Variants in WDR93 observed in about 807,000 individuals in gnomAD.
The protein encoded by WDR93 is WD repeat-containing protein 93.
In WDR93, 73 loss-of-function variants were observed where a neutral mutation model predicts 82.9. The observed-to-expected ratio is 0.88, with a 90% CI of 0.73 to 1.07. The LOEUF (loss-of-function observed/expected upper bound fraction) is 1.07, where lower values mean the gene tolerates loss of function less well. WDR93 is among the 50% of genes least tolerant of loss of function. The pLI, the probability that WDR93 is intolerant of heterozygous loss-of-function variation, is 0.00. For synonymous variants in WDR93, 283 were observed against 300.1 expected, an observed-to-expected ratio of 0.94 and a Z score of 0.59; for missense variants, 738 against 826.0, an observed-to-expected ratio of 0.89 and a Z score of 1.31.
intron 4 of WDR93, among the ~76,000 whole-genome samples, chr15:89,709,869 A>AAT (rs1965884546): frequency 6.6e-6 from 1 of 152,004 alleles, no homozygotes; most frequent in Non-Finnish European, 1.5e-5. Context: ...ATAAAAAAAA[A>AAT]AATAATCAAG....
intron 1 of WDR93, among the ~76,000 whole-genome samples, chr15:89,693,324 A>G (rs1052700983): frequency 6.6e-6 from 1 of 152,204 alleles, no homozygotes; most frequent in Non-Finnish European, 1.5e-5. Flanking sequence ...TACCACTGAC[A>G]ATGCGTGAGA....
chr15:89,736,516 A>G (rs1967186670), intron 14 of WDR93, among the ~76,000 whole-genome samples: 1 of 152,112 alleles, frequency 6.6e-6, no homozygotes, highest in African/African-American at 2.4e-5. Context: ...GGGCACTACC[A>G]TCACTTACAG....
At chr15:89,715,518 T>C (rs1966207653) in intron 6 of WDR93, among the ~76,000 whole-genome samples, 1 of 152,208 alleles carries the variant, frequency 6.6e-6, no homozygotes, top group Non-Finnish European at 1.5e-5. Flanking sequence ...TTTTCTATTA[T>C]CCTTAGAAAG....
chr15:89,696,927 C>A (rs1965206797), intron 1 of WDR93, among the ~76,000 whole-genome samples: 1 of 152,040 alleles, frequency 6.6e-6, no homozygotes, highest in Non-Finnish European at 1.5e-5. Flanking sequence ...AGTCCAGTTG[C>A]TCTGCATCTT....
chr15:89,718,149 T>G (rs1035293280), intron 7 of WDR93, among the ~76,000 whole-genome samples: 1 of 152,038 alleles, frequency 6.6e-6, no homozygotes, highest in Non-Finnish European at 1.5e-5. Flanking sequence ...GAGACCAGCC[T>G]GGGCAACACA....
chr15:89,726,434 G>A (rs189820638), intron 8 of WDR93, among the ~76,000 whole-genome samples: 1 of 152,328 alleles, frequency 6.6e-6, no homozygotes, highest in Admixed American at 6.5e-5. Context: ...TATAAAACTG[G>A]TGTCTGCCTC....
At chr15:89,708,291 T>C (rs1212695410) in intron 4 of WDR93, among the ~76,000 whole-genome samples, 2 of 152,188 alleles carry the variant, frequency 1.3e-5, no homozygotes, top group African/African-American at 4.8e-5. Context: ...TTAAAAAATT[T>C]CAAATTTCTG....
chr15:89,695,835 G>A (rs74905115), intron 1 of WDR93, among the ~76,000 whole-genome samples: 2 of 15,422 alleles, frequency 1.3e-4, no homozygotes, highest in African/African-American at 5.4e-4. Flanking sequence ...TTTTTTTTTT[G>A]AGACAGAGCC....
intron 12 of WDR93, among the ~76,000 whole-genome samples, chr15:89,732,455 C>T (rs1966870924): frequency 6.6e-6 from 1 of 152,312 alleles, no homozygotes; most frequent in Non-Finnish European, 1.5e-5. Context: ...CTAAGATAAA[C>T]ACCACTAAAG....
At chr15:89,718,197 C>T (rs1255014220) in intron 7 of WDR93, among the ~76,000 whole-genome samples, 3 of 152,126 alleles carry the variant, frequency 2.0e-5, no homozygotes, top group South Asian at 2.1e-4. Flanking sequence ...AAAAAATGGC[C>T]GGGTGCAGTG....
rs140906698 is a variant in WDR93 at position 89,696,183 on chromosome 15, A to G, written c.-41+5326A>G. ...CTTGACAAACACTGATCTGTTCCCC[A>G]TTACTCAGTTTGCATTTTTGAGAAT... is the stretch of plus-strand genomic sequence containing the variant. On this transcript the variant is annotated intron_variant, in intron 1 of 16. Transcript: ENST00000268130. Among the ~76,000 whole-genome samples the G allele has an allele frequency of 2.6e-5, 4 of 152,172 alleles. No homozygotes were observed. The East Asian group carries it at 7.7e-4, about 29-fold the overall frequency.
chr15:89,716,023 C>T (rs140761704), intron 6 of WDR93, among the ~76,000 whole-genome samples: 2 of 152,290 alleles, frequency 1.3e-5, no homozygotes, highest in East Asian at 1.9e-4. Flanking sequence ...CTTTAAAATA[C>T]ATTGTATTAG....
intron 15 of WDR93, 74 bp downstream of exon 15, chr15:89,737,803 C>T: frequency 3.2e-6 from 5 of 1,572,554 alleles, no homozygotes; most frequent in Non-Finnish European, 4.3e-6. Context: ...AGAGAGAGCC[C>T]CTCCGATCTC....
chr15:89,715,364 G>A (rs1042751177), intron 6 of WDR93, among the ~76,000 whole-genome samples: 3 of 152,138 alleles, frequency 2.0e-5, no homozygotes, highest in South Asian at 2.1e-4. Flanking sequence ...TCTGGAAGGA[G>A]GGTCTTTTGT....
intron 7 of WDR93, among the ~76,000 whole-genome samples, chr15:89,721,687 C>T (rs1462417142): frequency 6.6e-6 from 1 of 152,198 alleles, no homozygotes; most frequent in Admixed American, 6.5e-5. Flanking sequence ...TTCACAGGCA[C>T]AGTCATAGCA....
At chr15:89,693,606 C>T (rs1965008811) in intron 1 of WDR93, among the ~76,000 whole-genome samples, 1 of 152,092 alleles carries the variant, frequency 6.6e-6, no homozygotes, top group Non-Finnish European at 1.5e-5. Flanking sequence ...TTCTCAGAAA[C>T]AAACATTTAA....
At chr15:89,712,396 CT>C (rs1170109589) in intron 5 of WDR93, among the ~76,000 whole-genome samples, 442 of 80,458 alleles carry the variant, frequency 5.5e-3, no homozygotes, top group African/African-American at 0.02. Context: ...TTCCACTAAT[CT>C]TTTTTTTTTT....
chr15:89,705,476 A>G, intron 3 of WDR93, 78 bp from the exon 4 acceptor site: 2 of 892,220 alleles, frequency 2.2e-6, no homozygotes, highest in Non-Finnish European at 3.7e-6. Context: ...GTAAGTTCAC[A>G]AAGTCCAATA....
intron 16 of WDR93, among the ~76,000 whole-genome samples, chr15:89,740,311 T>G (rs897308133): frequency 6.6e-6 from 1 of 152,110 alleles, no homozygotes; most frequent in Non-Finnish European, 1.5e-5. Flanking sequence ...CTTCCTGCAT[T>G]GTAGTGGGTC....
Sources: allele counts gnomAD v4.1 joint callset (sites outside exome capture counted in the v4.1 genomes callset), GRCh38; gene constraint gnomAD v4.1.1; transcripts MANE v1.5; gene names NCBI Gene and HGNC (gene_info 2026-07-23, HGNC 2026-07-21).